Variants in NFIL3 observed in about 807,000 individuals in gnomAD.
NFIL3 encodes the protein nuclear factor, interleukin 3 regulated.
Under a neutral mutation model 10.0 loss-of-function variants are expected in NFIL3, and 5 were observed. The observed-to-expected ratio is 0.50, with a 90% CI of 0.26 to 1.06. The LOEUF is 1.06. Among genes scored for constraint, NFIL3 ranks in the 50% least tolerant of loss-of-function variants. The pLI, the probability that NFIL3 is intolerant of heterozygous loss-of-function variation, is 0.13. For synonymous variants in NFIL3, 202 were observed against 206.5 expected, an observed-to-expected ratio of 0.98 and a Z score of 0.19; for missense variants, 436 against 547.6, an observed-to-expected ratio of 0.80 and a Z score of 2.03.
the NFIL3 span, among the ~76,000 whole-genome samples, chr9:91,445,437 C>T: frequency 6.6e-6 from 1 of 152,170 alleles, no homozygotes; most frequent in Non-Finnish European, 1.5e-5. Context: ...ATGGAGTGGG[C>T]ATGCCTCAGC....
upstream of NFIL3, chr9:91,426,509 T>C (rs1299386255): frequency 2.0e-5 from 3 of 152,146 alleles, no homozygotes; most frequent in East Asian, 5.8e-4. Flanking sequence ...TGCCTGATGG[T>C]GGAGCTGGGC....
At chr9:91,423,300 A>G (rs917151458) in intron 1 of NFIL3, among the ~76,000 whole-genome samples, 1 of 152,232 alleles carries the variant, frequency 6.6e-6, no homozygotes, top group Non-Finnish European at 1.5e-5. Context: ...GAGAGGGCTC[A>G]GCCTGCCTGG....
chr9:91,461,964 T>C, the NFIL3 span, among the ~76,000 whole-genome samples: 1 of 152,220 alleles, frequency 6.6e-6, no homozygotes, highest in South Asian at 2.1e-4. Context: ...TTCTATATGC[T>C]TAATAACGTG....
In NFIL3 at chr9:91,410,514, G is replaced by T; in HGVS notation, c.221C>A (p.Ala74Asp). The stretch of plus-strand genomic sequence containing the variant: ...TTTCCGCCTTTTTTCCCAATACATA[G>T]CATCTTTCTTTTCATCAGGAATGAA... ...REFIPDEKKD[A>D]MYWEKRRKNN... The change falls in exon 2 of 2, where the codon GCT (alanine) becomes GAT (aspartate). Residue 74 changes from alanine to aspartate, a missense_variant. Around this residue, in one of 3 missense-constraint regions of NFIL3, gnomAD observed 22 missense variants for 74.7 expected, o/e 0.29. Transcript: ENST00000297689. This position sits in a 1 kb window ranked among gnomAD's most constrained non-coding sequence, Gnocchi z 5.7. 6.2e-7 allele frequency: 1 copy of T among 1,614,022 alleles called. No individual in the cohort carries two copies. The highest frequency in any genetic ancestry group is 2.2e-5 in the East Asian group (1 of 44,870).
chr9:91,428,900 CA>C, the NFIL3 span, among the ~76,000 whole-genome samples: 1 of 151,740 alleles, frequency 6.6e-6, no homozygotes, highest in Non-Finnish European at 1.5e-5. Flanking sequence ...GGGACATTAA[CA>C]AAAAAAGGTG....
chr9:91,435,347 CT>C, the NFIL3 span, among the ~76,000 whole-genome samples: 1 of 152,188 alleles, frequency 6.6e-6, no homozygotes, highest in South Asian at 2.1e-4. Context: ...GCAGCAATTG[CT>C]AACTCAACAG....
chr9:91,413,428 T>C (rs560001223), intron 1 of NFIL3, among the ~76,000 whole-genome samples: 2 of 152,066 alleles, frequency 1.3e-5, no homozygotes, highest in East Asian at 3.9e-4. Flanking sequence ...TTTTTGTATT[T>C]TTAGTAGAGA....
the NFIL3 span, among the ~76,000 whole-genome samples, chr9:91,450,485 C>T: frequency 6.6e-6 from 1 of 152,136 alleles, no homozygotes; most frequent in Non-Finnish European, 1.5e-5. Context: ...GAATGCATTG[C>T]TTAATTTCCA....
At chr9:91,460,271 C>CTTTTGTTTTTTTTTTTTTTTTTTTTT in the NFIL3 span, among the ~76,000 whole-genome samples, 2 of 70,444 alleles carry the variant, frequency 2.8e-5, no homozygotes, top group Non-Finnish European at 4.8e-5. Flanking sequence ...GGGCTTGGTT[C>CTTTTGTTTTTTTTTTTTTTTTTTTTT]TTTTTTTTTT....
chr9:91,418,248 T>G (rs757523540), intron 1 of NFIL3, among the ~76,000 whole-genome samples: 3 of 152,198 alleles, frequency 2.0e-5, no homozygotes, highest in African/African-American at 7.2e-5. Context: ...AGTAATAATT[T>G]TTTAAAAATC....
At chr9:91,416,524 GT>G (rs1246045258) in intron 1 of NFIL3, among the ~76,000 whole-genome samples, 1 of 152,086 alleles carries the variant, frequency 6.6e-6, no homozygotes, top group Non-Finnish European at 1.5e-5. Context: ...CATTGCTTAA[GT>G]TTCTTTTTTG....
chr9:91,450,645 T>C, the NFIL3 span, among the ~76,000 whole-genome samples: 1 of 152,120 alleles, frequency 6.6e-6, no homozygotes, highest in Non-Finnish European at 1.5e-5. Flanking sequence ...TTGGAGAATA[T>C]TCCATGTGCA....
the NFIL3 span, among the ~76,000 whole-genome samples, chr9:91,473,530 TCTC>T: frequency 6.6e-6 from 1 of 152,196 alleles, no homozygotes; most frequent in Non-Finnish European, 1.5e-5. Flanking sequence ...TGGGATGTAA[TCTC>T]CTGTTGTGCC....
chr9:91,474,349 A>G, the NFIL3 span, among the ~76,000 whole-genome samples: 1 of 152,076 alleles, frequency 6.6e-6, no homozygotes, highest in Non-Finnish European at 1.5e-5. Flanking sequence ...TGATTTTCTA[A>G]TATTTTATTG....
the NFIL3 span, among the ~76,000 whole-genome samples, chr9:91,445,963 A>G: frequency 3.3e-5 from 5 of 151,418 alleles, no homozygotes; most frequent in Admixed American, 3.3e-4. Flanking sequence ...ATGGCTACTC[A>G]TCCCTGGAGC....
At chr9:91,457,831 T>C in the NFIL3 span, among the ~76,000 whole-genome samples, 1 of 152,086 alleles carries the variant, frequency 6.6e-6, no homozygotes, top group Non-Finnish European at 1.5e-5. Context: ...CTTTTTAAGT[T>C]TGAGCAACTT....
the NFIL3 span, among the ~76,000 whole-genome samples, chr9:91,460,271 C>CTTTTTTTTTTTTTTGTTTTTTTTTTTTTT: frequency 1.4e-5 from 1 of 70,444 alleles, no homozygotes; most frequent in Non-Finnish European, 2.4e-5. Context: ...GGGCTTGGTT[C>CTTTTTTTTTTTTTTGTTTTTTTTTTTTTT]TTTTTTTTTT....
At chr9:91,424,093 G>T (rs1014889194), upstream of NFIL3, among the ~76,000 whole-genome samples, 4 of 151,448 alleles carry the variant, frequency 2.6e-5, no homozygotes, top group Non-Finnish European at 4.4e-5. Flanking sequence ...GAGGGCTGGC[G>T]CCCCATTCCC....
chr9:91,464,982 A>G, the NFIL3 span, among the ~76,000 whole-genome samples: 15,106 of 152,006 alleles, frequency 0.099, 820 homozygotes, highest in East Asian at 0.23. Flanking sequence ...CTTAGTTGCA[A>G]TAGGCTATTC....
Sources: allele counts gnomAD v4.1 joint callset (sites outside exome capture counted in the v4.1 genomes callset), GRCh38; gene constraint gnomAD v4.1.1; regional missense constraint gnomAD v4.1.1; non-coding constraint Gnocchi (gnomAD v3.1); transcripts MANE v1.5; gene names NCBI Gene and HGNC (gene_info 2026-07-23, HGNC 2026-07-21).